SLC8A1: variants seen among roughly 807,000 people sequenced by gnomAD.
The protein encoded by SLC8A1 is sodium/calcium exchanger 1.
SLC8A1 carries 18 observed loss-of-function variants against 68.3 expected under a neutral mutation model. That is an observed-to-expected ratio of 0.26 (90% CI 0.18 to 0.39). The LOEUF is 0.39. SLC8A1 is among the 10% of genes least tolerant of loss of function. SLC8A1 has a pLI of 1.00. For missense variants in SLC8A1, 985 were observed against 1,156.7 expected, an observed-to-expected ratio of 0.85 and a Z score of 2.15; for synonymous variants, 475 against 415.5, an observed-to-expected ratio of 1.14 and a Z score of -1.74.
At chr2:40,253,610 G>A (rs1271791649) in intron 2 of SLC8A1, among the ~76,000 whole-genome samples, 2 of 152,018 alleles carry the variant, frequency 1.3e-5, no homozygotes, top group African/African-American at 2.4e-5. Flanking sequence ...CGGATCACCT[G>A]AGGTCAGGAG....
intron 2 of SLC8A1, chr2:40,220,498 C>T (rs974650044): frequency 2.0e-5 from 3 of 152,194 alleles, no homozygotes; most frequent in Non-Finnish European, 2.9e-5. Flanking sequence ...TTGTTTGCCA[C>T]TTGCTGGCTA....
intron 7 of SLC8A1, among the ~76,000 whole-genome samples, chr2:40,132,895 C>G (rs1256100564): frequency 6.6e-6 from 1 of 152,102 alleles, no homozygotes; most frequent in Non-Finnish European, 1.5e-5. Flanking sequence ...TAAAAATGTT[C>G]CTTCTCTGCT....
chr2:40,211,045 T>C (rs541703100), intron 2 of SLC8A1, among the ~76,000 whole-genome samples: 81 of 152,334 alleles, frequency 5.3e-4, no homozygotes, highest in African/African-American at 1.9e-3. Flanking sequence ...GAAGTAGGTC[T>C]TTGTCTTTCC....
At chr2:40,438,548 G>T (rs1185632385) in intron 1 of SLC8A1, among the ~76,000 whole-genome samples, 1 of 152,126 alleles carries the variant, frequency 6.6e-6, no homozygotes, top group African/African-American at 2.4e-5. Flanking sequence ...TAAATTTACA[G>T]TCTGCAAGCG....
chr2:40,299,563 T>G (rs2071043905), intron 2 of SLC8A1, among the ~76,000 whole-genome samples: 1 of 152,176 alleles, frequency 6.6e-6, no homozygotes. Flanking sequence ...GGCTCAATTC[T>G]CAGGAAGAGG....
At chr2:40,483,807 G>T (rs573009353) in intron 1 of SLC8A1, among the ~76,000 whole-genome samples, 4 of 152,234 alleles carry the variant, frequency 2.6e-5, no homozygotes, top group Non-Finnish European at 4.4e-5. Context: ...CAGCCATCAT[G>T]GTCCACGAGA....
At chr2:40,364,606 A>G (rs1272311892) in intron 2 of SLC8A1, among the ~76,000 whole-genome samples, 1 of 152,006 alleles carries the variant, frequency 6.6e-6, no homozygotes, top group Non-Finnish European at 1.5e-5. Context: ...CCCTCAGATA[A>G]ACAGATTCCT....
chr2:40,337,891 G>T (rs1666489695), intron 2 of SLC8A1, among the ~76,000 whole-genome samples: 1 of 152,058 alleles, frequency 6.6e-6, no homozygotes, highest in Non-Finnish European at 1.5e-5. Context: ...ACTAAATCAT[G>T]TAAGTTAGAT....
chr2:40,461,920 C>T (rs1283877468), intron 1 of SLC8A1, among the ~76,000 whole-genome samples: 1 of 149,004 alleles, frequency 6.7e-6, no homozygotes, highest in East Asian at 2.0e-4. Flanking sequence ...CAGTACTTGA[C>T]ATTATAAGAT....
At chr2:40,462,582 G>A (rs1703413848) in intron 1 of SLC8A1, among the ~76,000 whole-genome samples, 4 of 151,768 alleles carry the variant, frequency 2.6e-5, no homozygotes, top group African/African-American at 9.7e-5. Flanking sequence ...GCCTGGGTGG[G>A]AGGATCGCTT....
intron 2 of SLC8A1, among the ~76,000 whole-genome samples, chr2:40,219,792 A>C (rs2058044297): frequency 7.1e-6 from 1 of 141,830 alleles, no homozygotes; most frequent in Non-Finnish European, 1.6e-5. Flanking sequence ...AACCTAGTTG[A>C]TGAGAGAGAT....
intron 2 of SLC8A1, among the ~76,000 whole-genome samples, chr2:40,281,123 A>T (rs562395493): frequency 1.3e-5 from 2 of 152,292 alleles, no homozygotes; most frequent in South Asian, 4.2e-4. Flanking sequence ...TCACCTGTGA[A>T]ACATACTTCA....
chr2:40,308,793 C>T (rs2110744), intron 2 of SLC8A1, among the ~76,000 whole-genome samples: 75,817 of 151,978 alleles, frequency 0.5, 21,254 homozygotes, highest in African/African-American at 0.75. Context: ...CCACTGAGAA[C>T]GCTGCAAAGG....
At chr2:40,437,231 T>C (rs1699604133) in intron 1 of SLC8A1, among the ~76,000 whole-genome samples, 1 of 152,128 alleles carries the variant, frequency 6.6e-6, no homozygotes, top group Non-Finnish European at 1.5e-5. Context: ...AAGTTAACAA[T>C]GTTTTCTGGG....
At chr2:40,442,493 A>T (rs149078827) in intron 1 of SLC8A1, among the ~76,000 whole-genome samples, 1 of 152,258 alleles carries the variant, frequency 6.6e-6, no homozygotes, top group African/African-American at 2.4e-5. Flanking sequence ...GCCAACAAAC[A>T]TATCAAGAAA....
At chr2:40,283,968 T>C (rs766770625) in intron 2 of SLC8A1, among the ~76,000 whole-genome samples, 1 of 152,120 alleles carries the variant, frequency 6.6e-6, no homozygotes, top group Non-Finnish European at 1.5e-5. Flanking sequence ...CCAGAAAAAC[T>C]AGGCTTGTAA....
exon 8 of SLC8A1, chr2:40,098,278 T>C (rs2033692873): frequency 6.6e-6 from 1 of 152,010 alleles, no homozygotes; most frequent in Admixed American, 6.6e-5. Context: ...CTTTTAAAAT[T>C]CAAATAAAAT....
At chr2:40,447,783 T>C (rs1025081187) in intron 1 of SLC8A1, among the ~76,000 whole-genome samples, 6 of 152,166 alleles carry the variant, frequency 3.9e-5, no homozygotes, top group African/African-American at 1.2e-4. Flanking sequence ...TGGGAATGCT[T>C]TGCCCACCCT....
intron 2 of SLC8A1, among the ~76,000 whole-genome samples, chr2:40,387,484 G>A (rs78895377): frequency 6.6e-6 from 1 of 150,900 alleles, no homozygotes; most frequent in Non-Finnish European, 1.5e-5. Context: ...ACAAAACATC[G>A]CAGACAAACT....
Sources: gnomAD v4.1 joint callset for allele counts (sites outside exome capture counted in the v4.1 genomes callset) on GRCh38, gnomAD v4.1.1 for gene constraint, MANE v1.5 for transcripts, NCBI Gene and HGNC (gene_info 2026-07-23, HGNC 2026-07-21) for gene names.